Variants in FBXL7 observed in about 807,000 individuals in gnomAD.
FBXL7 encodes F-box/LRR-repeat protein 7.
FBXL7 carries 12 observed loss-of-function variants against 38.3 expected under a neutral mutation model. The observed-to-expected ratio is 0.31, with a 90% CI of 0.20 to 0.51. The LOEUF (loss-of-function observed/expected upper bound fraction) is 0.51. Ranked by LOEUF, FBXL7 falls within the 20% of genes least tolerant of loss-of-function variation. FBXL7 has a pLI of 0.98. For missense variants in FBXL7, 567 were observed against 676.4 expected (o/e 0.84, Z 1.79); for synonymous variants, 297 against 300.9 (o/e 0.99, Z 0.13).
intron 2 of FBXL7, among the ~76,000 whole-genome samples, chr5:15,769,054 C>T (rs997370606): frequency 6.6e-5 from 10 of 152,268 alleles, no homozygotes; most frequent in African/African-American, 2.2e-4. Context: ...ATTCCATGAA[C>T]AGACAGGCAG....
chr5:15,658,641 G>A (rs1741956745), intron 2 of FBXL7, among the ~76,000 whole-genome samples: 1 of 152,080 alleles, frequency 6.6e-6, no homozygotes, highest in African/African-American at 2.4e-5. Context: ...TCCTTTTTAA[G>A]GGCTTACAAC....
chr5:15,790,643 T>C (rs1737249210), intron 2 of FBXL7, among the ~76,000 whole-genome samples: 1 of 152,176 alleles, frequency 6.6e-6, no homozygotes, highest in Non-Finnish European at 1.5e-5. Context: ...CTTACAAATA[T>C]AGTACATCCT....
In FBXL7 at chr5:15,660,459, T is replaced by A. The variant is rs575297516; in HGVS notation, c.127+44387T>A. On this transcript the variant is annotated intron_variant, in intron 2 of 3. Coordinates refer to ENST00000504595, the MANE Select transcript of FBXL7 (RefSeq NM_012304.5). ...GCAACCTTCACCTCCTAGGTTCAAGTGATTCTGCTGGCTCAGCCTCCCAAG... is the reference window on the plus strand; with the variant it reads ...GCAACCTTCACCTCCTAGGTTCAAGAGATTCTGCTGGCTCAGCCTCCCAAG... Among the ~76,000 whole-genome samples, 9 of 152,280 alleles carry A rather than the reference T, an allele frequency of 5.9e-5. No individual in the cohort carries two copies. In the South Asian group the frequency reaches 1.9e-3, roughly 32 times the overall value.
chr5:15,645,914 A>C (rs754263006), intron 2 of FBXL7, among the ~76,000 whole-genome samples: 4 of 152,174 alleles, frequency 2.6e-5, no homozygotes, highest in Non-Finnish European at 5.9e-5. Flanking sequence ...GCTTGTTGAG[A>C]GCTTGCTCTC....
chr5:15,679,845 A>G (rs1286784136), intron 2 of FBXL7, among the ~76,000 whole-genome samples: 4 of 152,178 alleles, frequency 2.6e-5, no homozygotes, highest in Non-Finnish European at 5.9e-5. Context: ...CAATTCAGCC[A>G]TGGGAAAAAA....
intron 2 of FBXL7, among the ~76,000 whole-genome samples, chr5:15,781,937 C>T (rs747580289): frequency 1.3e-5 from 2 of 152,072 alleles, no homozygotes; most frequent in African/African-American, 4.8e-5. Context: ...CCTATCAACC[C>T]GTCATCTACA....
intron 1 of FBXL7, among the ~76,000 whole-genome samples, chr5:15,604,333 T>C (rs576008755): frequency 6.6e-6 from 1 of 152,332 alleles, no homozygotes; most frequent in East Asian, 1.9e-4. Flanking sequence ...GAATGATTGC[T>C]GATCAACTTA....
chr5:15,636,083 G>A (rs6886780), intron 2 of FBXL7, among the ~76,000 whole-genome samples: 1 of 150,844 alleles, frequency 6.6e-6, no homozygotes, highest in African/African-American at 2.4e-5. Flanking sequence ...TGGGCAATGG[G>A]CTTGGCTTTG....
intron 2 of FBXL7, among the ~76,000 whole-genome samples, chr5:15,894,224 G>A (rs1156649286): frequency 2.0e-5 from 3 of 152,112 alleles, no homozygotes; most frequent in Non-Finnish European, 4.4e-5. Flanking sequence ...TCGCACCATT[G>A]CGCTCCAGCC....
chr5:15,863,134 T>C lies in FBXL7; in HGVS notation c.128-64756T>C, dbSNP rs377524715. On this transcript the variant is annotated intron_variant, in intron 2 of 3. Coordinates refer to ENST00000504595, the MANE Select transcript of FBXL7 (RefSeq NM_012304.5). ...TACTAAAATTTCCCAAAGGGCACTG[T>C]GAGGTAGCAGACGTCCACTCTAAAT... 1.2e-4 allele frequency among the ~76,000 whole-genome samples: 18 copies of C among 152,318 alleles called. 1 individual carries two copies. The highest frequency in any genetic ancestry group is 3.4e-4 in the African/African-American group (14 of 41,580).
chr5:15,562,308 A>C (rs1738436490), intron 1 of FBXL7, among the ~76,000 whole-genome samples: 1 of 152,184 alleles, frequency 6.6e-6, no homozygotes, highest in African/African-American at 2.4e-5. Flanking sequence ...GGAAGCAGTC[A>C]ACAAAAGGAG....
At chr5:15,826,541 C>T (rs1160992485) in intron 2 of FBXL7, among the ~76,000 whole-genome samples, 3 of 152,104 alleles carry the variant, frequency 2.0e-5, no homozygotes, top group Non-Finnish European at 2.9e-5. Flanking sequence ...GCCTCAGCCT[C>T]TTGGGTAGCT....
chr5:15,599,794 T>C (rs1580395302), intron 1 of FBXL7, among the ~76,000 whole-genome samples: 1 of 85,732 alleles, frequency 1.2e-5, no homozygotes, highest in African/African-American at 4.6e-5. Flanking sequence ...GGAAAACTTG[T>C]TTGTTATGTC....
chr5:15,892,961 C>A (rs1740969065), intron 2 of FBXL7, among the ~76,000 whole-genome samples: 1 of 151,972 alleles, frequency 6.6e-6, no homozygotes, highest in Non-Finnish European at 1.5e-5. Flanking sequence ...ACTAAAAATA[C>A]AAAAATTAGC....
At chr5:15,591,851 C>T (rs1180737433) in intron 1 of FBXL7, among the ~76,000 whole-genome samples, 2 of 152,144 alleles carry the variant, frequency 1.3e-5, no homozygotes, top group South Asian at 2.1e-4. Flanking sequence ...GCTAGGACTA[C>T]AGGCACGCAC....
At chr5:15,806,748 A>G (rs1012481088) in intron 2 of FBXL7, among the ~76,000 whole-genome samples, 3 of 152,074 alleles carry the variant, frequency 2.0e-5, no homozygotes, top group African/African-American at 7.2e-5. Context: ...GCCACAGGAG[A>G]CAGGGGGCCC....
At chr5:15,524,514 C>T (rs114928484) in intron 1 of FBXL7, among the ~76,000 whole-genome samples, 11 of 152,294 alleles carry the variant, frequency 7.2e-5, no homozygotes, top group Non-Finnish European at 1.5e-4. Context: ...TGTAATTTCT[C>T]AGCTACTTCT....
chr5:15,627,384 G>A (rs557366567), intron 2 of FBXL7, among the ~76,000 whole-genome samples: 53 of 152,270 alleles, frequency 3.5e-4, no homozygotes, highest in South Asian at 2.9e-3. Context: ...CAGTGGAAGC[G>A]TGGAAAGGAA....
chr5:15,730,270 A>C (rs12189359), intron 2 of FBXL7, among the ~76,000 whole-genome samples: 13,622 of 152,218 alleles, frequency 0.089, 736 homozygotes, highest in South Asian at 0.15. Flanking sequence ...AGGTACTGTA[A>C]ATCTCATAAC....
Sources: gnomAD v4.1 joint callset for allele counts (sites outside exome capture counted in the v4.1 genomes callset) on GRCh38, gnomAD v4.1.1 for gene constraint, MANE v1.5 for transcripts, NCBI Gene and HGNC (gene_info 2026-07-23, HGNC 2026-07-21) for gene names.